LGR5: variants seen among roughly 807,000 people sequenced by gnomAD.
LGR5 encodes the protein leucine rich repeat containing G protein-coupled receptor 5, also known as leucine-rich repeat-containing G protein-coupled receptor 5.
LGR5 carries 54 observed loss-of-function variants against 76.7 expected under a neutral mutation model. The observed-to-expected ratio is 0.70, with a 90% CI of 0.57 to 0.88. The LOEUF is 0.88. Ranked by LOEUF, LGR5 falls within the 40% of genes least tolerant of loss-of-function variation. The pLI is 0.00. For synonymous variants in LGR5, 406 were observed against 421.9 expected, an observed-to-expected ratio of 0.96 and a Z score of 0.46; for missense variants, 1,078 against 1,073.3, an observed-to-expected ratio of 1.00 and a Z score of -0.06.
chr12:71,510,946 G>A (rs1477195531), intron 2 of LGR5, among the ~76,000 whole-genome samples: 1 of 152,090 alleles, frequency 6.6e-6, no homozygotes, highest in Non-Finnish European at 1.5e-5. Flanking sequence ...TAAGAGAGAG[G>A]GAAGTGAGGT....
chr12:71,531,519 T>G (rs1029611784), intron 3 of LGR5, among the ~76,000 whole-genome samples: 1 of 152,192 alleles, frequency 6.6e-6, no homozygotes, highest in Non-Finnish European at 1.5e-5. Context: ...GGTGTTTTAC[T>G]GGTAGACGTA....
chr12:71,558,737 T>C (rs1474665621), intron 6 of LGR5, among the ~76,000 whole-genome samples: 1 of 152,222 alleles, frequency 6.6e-6, no homozygotes, highest in Non-Finnish European at 1.5e-5. Context: ...CGAAAAGGTT[T>C]TTCTGCGTCA....
At chr12:71,578,634 A>G (rs1878960345) in intron 14 of LGR5, among the ~76,000 whole-genome samples, 170 bp from the exon 15 acceptor site, 1 of 152,228 alleles carries the variant, frequency 6.6e-6, no homozygotes, top group Non-Finnish European at 1.5e-5. Flanking sequence ...TTGTGAATAG[A>G]AAAGTTATCA....
At chr12:71,546,116 C>G (rs556362812) in intron 4 of LGR5, among the ~76,000 whole-genome samples, 5 of 152,116 alleles carry the variant, frequency 3.3e-5, no homozygotes, top group African/African-American at 1.2e-4. Context: ...AGTTCAAGAC[C>G]AGCCTGGCAA....
chr12:71,512,852 G>GT (rs977378027), intron 2 of LGR5, among the ~76,000 whole-genome samples: 31 of 152,214 alleles, frequency 2.0e-4, no homozygotes, highest in African/African-American at 7.2e-4. Flanking sequence ...TTGTTGGAAT[G>GT]TAAGTGTGAA....
At chr12:71,472,026 A>G (rs1873125705) in intron 1 of LGR5, among the ~76,000 whole-genome samples, 1 of 152,228 alleles carries the variant, frequency 6.6e-6, no homozygotes, top group South Asian at 2.1e-4. Context: ...GGTGAGGGAT[A>G]AAAGACGACA....
chr12:71,455,765 G>A (rs1348603835), intron 1 of LGR5, among the ~76,000 whole-genome samples: 2 of 152,050 alleles, frequency 1.3e-5, no homozygotes, highest in African/African-American at 2.4e-5. Flanking sequence ...ATGACTGCAC[G>A]CTGTTGTTTG....
chr12:71,561,066 A>C (rs558597845), intron 7 of LGR5, among the ~76,000 whole-genome samples: 1 of 152,318 alleles, frequency 6.6e-6, no homozygotes, highest in African/African-American at 2.4e-5. Flanking sequence ...TCATTCCCCT[A>C]GCAGTGAGAA....
chr12:71,579,744 C>T (rs904347125), intron 15 of LGR5, among the ~76,000 whole-genome samples: 4 of 152,140 alleles, frequency 2.6e-5, no homozygotes, highest in Non-Finnish European at 5.9e-5. Flanking sequence ...TTTATTCTTT[C>T]TATTTTTTGT....
chr12:71,573,464 A>G lies in LGR5; in HGVS notation c.1208+543A>G, dbSNP rs376474333. Among the ~76,000 whole-genome samples, 34 of 152,328 alleles carry G rather than the reference A, an allele frequency of 2.2e-4. No homozygotes were observed. The Middle Eastern group carries it at 0.01, about 46-fold the overall frequency. On this transcript the variant is annotated intron_variant, in intron 13 of 17. Coordinates refer to ENST00000266674, the MANE Select transcript of LGR5 (RefSeq NM_003667.4). Reference sequence around the variant, plus strand: ...TGTTCTAGAATCACTTCTGTTGCTCAGGCAACTAAGATTTGTAAATACTTG... The same window carrying G: ...TGTTCTAGAATCACTTCTGTTGCTCGGGCAACTAAGATTTGTAAATACTTG...
Position 71,463,952 on chromosome 12 carries a change from A to C in LGR5, c.212+23660A>C, listed in dbSNP as rs557690961. Among the ~76,000 whole-genome samples, 19 of 152,248 alleles carry C rather than the reference A, an allele frequency of 1.2e-4. No individual in the cohort carries two copies. The South Asian group carries it at 2.9e-3, about 23-fold the overall frequency. ...TTTAAAAGGAGGCCTTTGTCAGTAT[A>C]GGCAAAAAAAGCACTGTCTCAGAGG... On this transcript the variant is annotated intron_variant, in intron 1 of 17. Transcript: ENST00000266674.
chr12:71,480,138 C>T (rs550912775), intron 1 of LGR5, among the ~76,000 whole-genome samples: 1 of 152,034 alleles, frequency 6.6e-6, no homozygotes, highest in South Asian at 2.1e-4. Context: ...CCAAGGCGGG[C>T]AGATCACTTG....
At chr12:71,530,537 T>G (rs1876252902) in intron 3 of LGR5, among the ~76,000 whole-genome samples, 2 of 152,262 alleles carry the variant, frequency 1.3e-5, no homozygotes, top group African/African-American at 2.4e-5. Flanking sequence ...TGGCTAGGTC[T>G]GTTTTACATT....
intron 6 of LGR5, among the ~76,000 whole-genome samples, chr12:71,557,680 A>G (rs900923740): frequency 6.6e-6 from 1 of 152,178 alleles, no homozygotes; most frequent in Non-Finnish European, 1.5e-5. Flanking sequence ...GGCTTTTCCC[A>G]GGGGAGGAGC....
chr12:71,572,438 A>G (rs964395701), intron 12 of LGR5, among the ~76,000 whole-genome samples: 1 of 152,140 alleles, frequency 6.6e-6, no homozygotes, highest in Admixed American at 6.5e-5. Context: ...TTCACCATCT[A>G]TCCCTTCACA....
rs769584001 is a variant in LGR5, at chr12:71,572,884, G to C, written c.1171G>C (p.Val391Leu). Residue 391 changes from valine (V) to leucine (L), a missense_variant, in exon 13 of 18, where the codon GTT becomes CTT. Coordinates refer to ENST00000266674, the MANE Select transcript of LGR5 (RefSeq NM_003667.4). ...ACATAATGAAATCTACGAAATTAAA[G>C]TTGACACTTTCCAGCAGTTGCTTAG... is the stretch of plus-strand genomic sequence containing the variant. The part of the protein sequence containing the change: ...LRHNEIYEIK[V>L]DTFQQLLSLR... 6.2e-7 allele frequency: 1 copy of C among 1,613,938 alleles called. No individual in the cohort carries two copies. The highest frequency in any genetic ancestry group is 1.1e-5 in the South Asian group (1 of 91,064).
At chr12:71,531,671 A>G (rs886873171) in intron 3 of LGR5, among the ~76,000 whole-genome samples, 1 of 152,098 alleles carries the variant, frequency 6.6e-6, no homozygotes, top group Admixed American at 6.6e-5. Context: ...AGTTCAAGAC[A>G]AGCCTGGCCA....
intron 4 of LGR5, among the ~76,000 whole-genome samples, chr12:71,538,642 C>G (rs1033873551): frequency 6.6e-6 from 1 of 152,134 alleles, no homozygotes. Context: ...CTTTTCAAAC[C>G]TGAAATTACA....
chr12:71,567,175 G>A (rs1020981871), intron 11 of LGR5: 1 of 444,888 alleles, frequency 2.2e-6, no homozygotes, highest in Admixed American at 3.5e-5. Flanking sequence ...TTTCAGAAAA[G>A]ATATGAAGAG....
Sources: gnomAD v4.1 joint callset for allele counts (sites outside exome capture counted in the v4.1 genomes callset) on GRCh38, gnomAD v4.1.1 for gene constraint, MANE v1.5 for transcripts, NCBI Gene and HGNC (gene_info 2026-07-23, HGNC 2026-07-21) for gene names.